Variants in CSMD1 observed in about 807,000 individuals in gnomAD.
The protein encoded by CSMD1 is CUB and sushi domain-containing protein 1.
In CSMD1, 213 loss-of-function variants were observed where a neutral mutation model predicts 417.5. The ratio of observed to expected loss-of-function variants is 0.51; its 90% CI spans 0.46 to 0.57. The LOEUF is 0.57. Among genes scored for constraint, CSMD1 ranks in the 20% least tolerant of loss-of-function variants. The pLI is 0.00. For missense variants in CSMD1, 6,923 were observed against 4,529.7 expected (o/e 1.53, Z -15.17); for synonymous variants, 2,862 against 1,736.8 (o/e 1.65, Z -16.11).
At chr8:3,664,164 T>G (rs1221552929) in intron 7 of CSMD1, among the ~76,000 whole-genome samples, 2 of 152,154 alleles carry the variant, frequency 1.3e-5, no homozygotes, top group African/African-American at 2.4e-5. Context: ...GTATTTCCCC[T>G]AATACTATCC....
intron 12 of CSMD1, among the ~76,000 whole-genome samples, chr8:3,434,109 C>G (rs1376373531): frequency 1.3e-5 from 2 of 152,154 alleles, no homozygotes; most frequent in African/African-American, 4.8e-5. Context: ...CCAGAGTAAC[C>G]TTAGAATTAT....
chr8:3,231,566 A>G (rs1798841310), intron 26 of CSMD1, among the ~76,000 whole-genome samples: 1 of 152,210 alleles, frequency 6.6e-6, no homozygotes, highest in South Asian at 2.1e-4. Context: ...CCATTTAAAT[A>G]AAAAGTTAGA....
intron 10 of CSMD1, among the ~76,000 whole-genome samples, chr8:3,550,581 T>C (rs1240441373): frequency 6.6e-6 from 1 of 152,226 alleles, no homozygotes; most frequent in Admixed American, 6.5e-5. Context: ...TATGGGTGCA[T>C]CATCCCTAAG....
chr8:3,108,782 A>T (rs372850348), intron 43 of CSMD1, 34 bp from the exon 44 acceptor site: 2 of 1,576,560 alleles, frequency 1.3e-6, no homozygotes, highest in East Asian at 4.5e-5. Context: ...CTGGCTAAGG[A>T]TATTTACTTC....
At chr8:3,956,955 A>G (rs1251461780) in intron 5 of CSMD1, among the ~76,000 whole-genome samples, 1 of 152,120 alleles carries the variant, frequency 6.6e-6, no homozygotes, top group Non-Finnish European at 1.5e-5. Flanking sequence ...TACTTTTTCT[A>G]TACGGAAAGG....
At chr8:3,187,423 G>T (rs758994991) in intron 36 of CSMD1, among the ~76,000 whole-genome samples, 15 of 152,234 alleles carry the variant, frequency 9.9e-5, no homozygotes, top group African/African-American at 2.9e-4. Context: ...GACTTGCAGT[G>T]GACTACAATT....
intron 3 of CSMD1, among the ~76,000 whole-genome samples, chr8:4,379,585 G>C (rs550854230): frequency 3.3e-5 from 5 of 152,186 alleles, no homozygotes; most frequent in Non-Finnish European, 7.3e-5. Context: ...TTATTTCAAA[G>C]TAAAAACTGA....
At chr8:3,424,197 G>C (rs1278038897) in intron 12 of CSMD1, among the ~76,000 whole-genome samples, 2 of 152,108 alleles carry the variant, frequency 1.3e-5, no homozygotes, top group South Asian at 2.1e-4. Context: ...TATTTGTTTA[G>C]TACAGGAAGC....
intron 3 of CSMD1, among the ~76,000 whole-genome samples, chr8:4,327,239 T>C (rs1799609735): frequency 6.6e-6 from 1 of 152,236 alleles, no homozygotes; most frequent in South Asian, 2.1e-4. Flanking sequence ...TTTTCATTAG[T>C]GTTTAATACA....
At chr8:3,946,360 G>A (rs938016416) in intron 5 of CSMD1, among the ~76,000 whole-genome samples, 1 of 152,002 alleles carries the variant, frequency 6.6e-6, no homozygotes, top group African/African-American at 2.4e-5. Flanking sequence ...ATTTTATCAC[G>A]TATGTGCTGG....
At position 4,929,937 on chromosome 8, in the gene CSMD1, G is replaced by A. The variant is rs576587775; in HGVS notation, c.85+64395C>T. 5.9e-5 allele frequency among the ~76,000 whole-genome samples: 9 copies of A among 152,308 alleles called. No individual in the cohort carries two copies. In the East Asian group the frequency reaches 1.7e-3, roughly 29 times the overall value. On this transcript the variant is annotated intron_variant, in intron 1 of 69. Coordinates refer to ENST00000635120, the MANE Select transcript of CSMD1 (RefSeq NM_033225.6). Reference sequence around the variant, plus strand: ...AAAGTATATTGCAAGAGCTAATTTAGTTCCTGAGTGAAGCTACAGTTTTCT... The same window carrying A: ...AAAGTATATTGCAAGAGCTAATTTAATTCCTGAGTGAAGCTACAGTTTTCT...
At chr8:4,301,917 G>A (rs1486131146) in intron 3 of CSMD1, among the ~76,000 whole-genome samples, 1 of 152,084 alleles carries the variant, frequency 6.6e-6, no homozygotes, top group Non-Finnish European at 1.5e-5. Flanking sequence ...AATTTATGTT[G>A]CTTTGATAGG....
At chr8:4,429,791 C>G (rs773160656) in intron 2 of CSMD1, among the ~76,000 whole-genome samples, 2 of 152,096 alleles carry the variant, frequency 1.3e-5, no homozygotes, top group Non-Finnish European at 2.9e-5. Flanking sequence ...TTGAAATATA[C>G]CGGCAATCCC....
At chr8:3,961,765 G>C (rs1271418579) in intron 5 of CSMD1, among the ~76,000 whole-genome samples, 1 of 152,186 alleles carries the variant, frequency 6.6e-6, no homozygotes, top group Non-Finnish European at 1.5e-5. Flanking sequence ...CATGATGAAG[G>C]CATCAGCTTT....
intron 2 of CSMD1, among the ~76,000 whole-genome samples, chr8:4,442,881 T>G (rs1798564024): frequency 6.6e-6 from 1 of 152,196 alleles, no homozygotes; most frequent in Non-Finnish European, 1.5e-5. Flanking sequence ...TGAGATTGCT[T>G]GTTTACAGTG....
intron 17 of CSMD1, among the ~76,000 whole-genome samples, chr8:3,388,427 T>C (rs1190444576): frequency 1.3e-5 from 2 of 152,216 alleles, no homozygotes; most frequent in Non-Finnish European, 2.9e-5. Context: ...AATATCATTG[T>C]AATGTTTACA....
At chr8:3,789,074 C>G (rs34335089) in intron 5 of CSMD1, among the ~76,000 whole-genome samples, 1 of 152,120 alleles carries the variant, frequency 6.6e-6, no homozygotes, top group Admixed American at 6.5e-5. Flanking sequence ...TATGCTAAAC[C>G]TAAGCACCAA....
intron 5 of CSMD1, among the ~76,000 whole-genome samples, chr8:3,952,979 T>G (rs937915319): frequency 1.3e-5 from 2 of 148,756 alleles, no homozygotes; most frequent in African/African-American, 5.0e-5. Context: ...AATACACTAT[T>G]TAAAAATTAG....
At chr8:4,763,192 G>T (rs752737726) in intron 1 of CSMD1, among the ~76,000 whole-genome samples, 4 of 152,184 alleles carry the variant, frequency 2.6e-5, no homozygotes, top group Non-Finnish European at 5.9e-5. Context: ...AGATCTGGGG[G>T]TAGAATTGAC....
Sources: gnomAD v4.1 joint callset for allele counts (sites outside exome capture counted in the v4.1 genomes callset) on GRCh38, gnomAD v4.1.1 for gene constraint, MANE v1.5 for transcripts, NCBI Gene and HGNC (gene_info 2026-07-23, HGNC 2026-07-21) for gene names.